BMPR2: variants seen among roughly 807,000 people sequenced by gnomAD.
BMPR2 encodes bone morphogenetic protein receptor type 2, also known as bone morphogenetic protein receptor type-2.
A neutral mutation model predicts 100.8 loss-of-function variants in BMPR2; 29 were observed. The observed-to-expected ratio is 0.29, with a 90% CI of 0.21 to 0.39. BMPR2 has a LOEUF of 0.39. Ranked by LOEUF, BMPR2 falls within the 10% of genes least tolerant of loss-of-function variation. The probability of loss-of-function intolerance (pLI) is 1.00; values close to 1 mark genes in which losing one functional copy is unlikely to be tolerated. For missense variants in BMPR2, 1,011 were observed against 1,274.5 expected, an observed-to-expected ratio of 0.79 and a Z score of 3.15; for synonymous variants, 382 against 442.3, an observed-to-expected ratio of 0.86 and a Z score of 1.71.
At chr2:202,460,430 A>G (rs1156452971) in intron 1 of BMPR2, among the ~76,000 whole-genome samples, 1 of 152,214 alleles carries the variant, frequency 6.6e-6, no homozygotes, top group Non-Finnish European at 1.5e-5. Flanking sequence ...TATCCATGCT[A>G]TGGAGAAAAA....
At chr2:202,517,971 CCTGA>C (rs1167044646) in intron 5 of BMPR2, among the ~76,000 whole-genome samples, 1 of 136,004 alleles carries the variant, frequency 7.4e-6, no homozygotes, top group Non-Finnish European at 1.6e-5. Context: ...CACCACCACG[CCTGA>C]CTTTTTTTTT....
intron 1 of BMPR2, among the ~76,000 whole-genome samples, chr2:202,393,448 G>T (rs1452224762): frequency 6.6e-6 from 1 of 152,014 alleles, no homozygotes; most frequent in African/African-American, 2.4e-5. Context: ...GTGACCTCTG[G>T]TAGTAATTTA....
chr2:202,386,946 G>A (rs922111439), intron 1 of BMPR2, among the ~76,000 whole-genome samples: 3 of 152,148 alleles, frequency 2.0e-5, no homozygotes, highest in Non-Finnish European at 2.9e-5. Context: ...GCCTCCCAAA[G>A]TGCTAGGATT....
chr2:202,491,351 C>T (rs994595760), intron 3 of BMPR2, among the ~76,000 whole-genome samples: 1 of 152,114 alleles, frequency 6.6e-6, no homozygotes, highest in Non-Finnish European at 1.5e-5. Context: ...GCCACTGCTC[C>T]GAGCCCACCC....
intron 3 of BMPR2, among the ~76,000 whole-genome samples, chr2:202,469,308 G>T (rs1353548140): frequency 1.3e-5 from 2 of 151,948 alleles, no homozygotes; most frequent in Admixed American, 1.3e-4. Context: ...GATTACAGGT[G>T]TGAGCCACCG....
Position 202,451,533 on chromosome 2 carries a change from T to C in BMPR2, c.77-13276T>C, listed in dbSNP as rs529127449. Among the ~76,000 whole-genome samples the C allele has an allele frequency of 5.9e-5, 9 of 152,134 alleles. No individual in the cohort carries two copies. The South Asian group carries it at 1.9e-3, about 32-fold the overall frequency. On this transcript the variant is annotated intron_variant, in intron 1 of 12. Coordinates refer to ENST00000374580, the MANE Select transcript of BMPR2 (RefSeq NM_001204.7). ...GGCCAACATGGCAAAACCCCGTCTC[T>C]ACTAAAAATACAAAAATTAGCCGGG...
intron 3 of BMPR2, among the ~76,000 whole-genome samples, chr2:202,492,725 C>CAAAAAAAAAAAAAAAAAAAAAAA (rs796078041): frequency 9.0e-6 from 1 of 111,688 alleles, no homozygotes. Flanking sequence ...AAAAAAAAAC[C>CAAAAAAAAAAAAAAAAAAAAAAA]AAAAAAAAAA....
Position 202,385,611 on chromosome 2 carries a change from G to A in BMPR2, c.76+8061G>A, listed in dbSNP as rs568467910. On this transcript the variant is annotated intron_variant, in intron 1 of 12. Transcript: ENST00000374580. ...GAACTCCTGACCTCGTGATCTGCCC[G>A]CCTCAGCCTCCCAAAGTGCTGGGAT... Among the ~76,000 whole-genome samples, 25 of 144,052 alleles carry A rather than the reference G, an allele frequency of 1.7e-4. 1 individual carries two copies. In the South Asian group the frequency reaches 4.8e-3, roughly 27 times the overall value. 94.5% of individuals were successfully genotyped at this position (144,052 alleles called of 152,430 possible).
chr2:202,465,083 A>C, intron 2 of BMPR2, 104 bp downstream of exon 2: 1 of 1,443,914 alleles, frequency 6.9e-7, no homozygotes, highest in East Asian at 2.4e-5. Flanking sequence ...AAAAACAGTG[A>C]ATTTAAAAGT....
intron 1 of BMPR2, 63 bp downstream of exon 1, chr2:202,377,613 G>T: frequency 6.3e-7 from 1 of 1,575,986 alleles, no homozygotes. Flanking sequence ...GAGGGAGCCC[G>T]CAGAGGCCGA....
At chr2:202,441,771 C>T (rs188642035) in intron 1 of BMPR2, among the ~76,000 whole-genome samples, 50 of 146,250 alleles carry the variant, frequency 3.4e-4, no homozygotes, top group Admixed American at 1.9e-3. Context: ...TGGTGGCTCA[C>T]GCCTGTAATC....
At position 202,464,972 on chromosome 2, in the gene BMPR2, A is replaced by G; in HGVS notation, c.240A>G (p.Val80=). Residue 80 remains valine (V), a synonymous_variant, in exon 2 of 13, where the codon GTA becomes GTG. Transcript: ENST00000374580. ...WEKSKGDINL[V]KQGCWSHIGD... is the part of the protein sequence containing the mutation. ...AATCAAAAGGGGACATAAATCTTGTAAAACAAGGCAAGTGATACTTTCCTT... is the reference window on the plus strand; with the variant it reads ...AATCAAAAGGGGACATAAATCTTGTGAAACAAGGCAAGTGATACTTTCCTT... The G allele has an allele frequency of 6.2e-7, 1 of 1,614,136 alleles. No homozygotes were observed. The highest frequency in any genetic ancestry group is 8.5e-7 in the Non-Finnish European group (1 of 1,180,010).
At chr2:202,414,671 A>G (rs923304156) in intron 1 of BMPR2, among the ~76,000 whole-genome samples, 1 of 152,252 alleles carries the variant, frequency 6.6e-6, no homozygotes, top group African/African-American at 2.4e-5. Flanking sequence ...AGTGGTCTGG[A>G]TAGATTAAAC....
rs1390867813 is a variant in BMPR2, at chr2:202,377,067, C to T, written c.-408C>T. The T allele has an allele frequency of 9.5e-6, 5 of 529,028 alleles. No homozygotes were observed. Among genetic ancestry groups the T allele is most frequent in the African/African-American group, 5.8e-5 (3 of 51,538 alleles). 32.8% of individuals were successfully genotyped at this position (529,028 alleles called of 1,614,324 possible). On this transcript the variant is annotated 5_prime_UTR_variant, in exon 1 of 13. Transcript: ENST00000374580. The stretch of plus-strand genomic sequence containing the variant: ...GCAGTCGGGAACTAGTTCTGACCCT[C>T]GCCCCCCGACCCCGGATCGAATCCC...
chr2:202,421,459 C>T (rs992496588), intron 1 of BMPR2, among the ~76,000 whole-genome samples: 1 of 127,964 alleles, frequency 7.8e-6, no homozygotes, highest in African/African-American at 3.2e-5. Flanking sequence ...TACCCGCCCC[C>T]ACCTTTTTTT....
intron 3 of BMPR2, among the ~76,000 whole-genome samples, chr2:202,492,253 C>A (rs1239826830): frequency 6.6e-6 from 1 of 151,908 alleles, no homozygotes; most frequent in South Asian, 2.1e-4. Flanking sequence ...TATTTTGTGG[C>A]CTTGGTGCTA....
At chr2:202,447,290 T>TG (rs1275111929) in intron 1 of BMPR2, among the ~76,000 whole-genome samples, 1 of 150,448 alleles carries the variant, frequency 6.6e-6, no homozygotes, top group Non-Finnish European at 1.5e-5. Context: ...GCCTGGGCGA[T>TG]GCTGTGAGAC....
rs1688686909 is a variant in BMPR2, at chr2:202,562,120, CT to C, written c.*2177del. 1 of 152,108 alleles carries C rather than the reference CT, an allele frequency of 6.6e-6. No individual in the cohort carries two copies. Among genetic ancestry groups the C allele is most frequent in the African/African-American group, 2.4e-5 (1 of 41,424 alleles). 9.4% of individuals were successfully genotyped at this position (152,108 alleles called of 1,614,324 possible). Reference sequence around the variant, plus strand: ...TTCTTTTCAAATATTTGTAGGACAACTTTGAATCAAAATAAATTATGTTCCT... The same window carrying C: ...TTCTTTTCAAATATTTGTAGGACAACTTGAATCAAAATAAATTATGTTCCT... On this transcript the variant is annotated 3_prime_UTR_variant, in exon 13 of 13. Coordinates refer to ENST00000374580, the MANE Select transcript of BMPR2 (RefSeq NM_001204.7).
At chr2:202,416,230 C>CA in intron 1 of BMPR2, among the ~76,000 whole-genome samples, 1 of 151,212 alleles carries the variant, frequency 6.6e-6, no homozygotes, top group Admixed American at 6.6e-5. Context: ...TGAATTGGTG[C>CA]AGTCTCATGA....
Sources: gnomAD v4.1 joint callset for allele counts (sites outside exome capture counted in the v4.1 genomes callset) on GRCh38, gnomAD v4.1.1 for gene constraint, MANE v1.5 for transcripts, NCBI Gene and HGNC (gene_info 2026-07-23, HGNC 2026-07-21) for gene names.